TET2: variants seen among roughly 807,000 people sequenced by gnomAD.
TET2 encodes the protein methylcytosine dioxygenase TET2.
Under a neutral mutation model 142.9 loss-of-function variants are expected in TET2, and 299 were observed. That is an observed-to-expected ratio of 2.09 (90% confidence interval 1.90 to 2.30). The LOEUF is 2.30. Among genes scored for constraint, TET2 ranks in the 30% most tolerant of loss-of-function variants. The pLI, the probability that TET2 is intolerant of heterozygous loss-of-function variation, is 0.00. For missense variants in TET2, 2,418 were observed against 2,378.0 expected, an observed-to-expected ratio of 1.02 and a Z score of -0.35; for synonymous variants, 819 against 849.0, an observed-to-expected ratio of 0.96 and a Z score of 0.61.
chr4:105,163,774 C>A (rs1336690906), intron 1 of TET2, among the ~76,000 whole-genome samples: 1 of 146,938 alleles, frequency 6.8e-6, no homozygotes, highest in Non-Finnish European at 1.5e-5. Flanking sequence ...TGGATGCCAA[C>A]AAGCAGTCTG....
chr4:105,193,125 G>A (rs1256396208), intron 2 of TET2, among the ~76,000 whole-genome samples: 3 of 152,188 alleles, frequency 2.0e-5, no homozygotes, highest in African/African-American at 4.8e-5. Context: ...CTATAACAGA[G>A]GAGGCTTCAC....
intron 1 of TET2, among the ~76,000 whole-genome samples, chr4:105,151,796 C>T (rs1023769853): frequency 3.9e-5 from 6 of 152,290 alleles, no homozygotes; most frequent in East Asian, 1.9e-4. Context: ...GAGACGAGGC[C>T]GGTTGTGGTG....
At chr4:105,148,288 C>T (rs762385896) in intron 1 of TET2, among the ~76,000 whole-genome samples, 2 of 152,122 alleles carry the variant, frequency 1.3e-5, no homozygotes, top group Admixed American at 6.5e-5. Context: ...AGGGAGTTCT[C>T]CCTTCTTCAT....
chr4:105,182,365 A>C (rs1028741256), intron 1 of TET2, among the ~76,000 whole-genome samples: 4 of 152,208 alleles, frequency 2.6e-5, no homozygotes, highest in Non-Finnish European at 5.9e-5. Flanking sequence ...AATAAATGGC[A>C]TGTAGGTTCC....
intron 2 of TET2, among the ~76,000 whole-genome samples, chr4:105,216,061 A>G (rs1182888936): frequency 2.0e-5 from 3 of 152,278 alleles, no homozygotes; most frequent in Middle Eastern, 3.4e-3. Context: ...TCAGCTTCAA[A>G]ATATTTTATG....
Position 105,235,252 on chromosome 4 carries a change from AC to A in TET2, c.1314del (p.Asn439ThrfsTer8). The A allele has an allele frequency of 6.2e-7, 1 of 1,614,042 alleles. No homozygotes were observed. The highest frequency in any genetic ancestry group is 8.5e-7 in the Non-Finnish European group (1 of 1,179,978). ...GGAGTTTTAGAAGAACACCACCACT[AC>A]CCCAACCAAAGTAACACAACACTTT... ...NGGVLEEHHHYPNQSNTTLLR... is the reference protein window; with the variant it reads ...NGGVLEEHHHXPNQSNTTLLR... On this transcript the variant is annotated frameshift_variant, in exon 3 of 11. Transcript: ENST00000380013. LOFTEE classifies it high-confidence loss of function.
intron 6 of TET2, among the ~76,000 whole-genome samples, chr4:105,252,202 AC>A: frequency 6.6e-6 from 1 of 152,092 alleles, no homozygotes; most frequent in East Asian, 1.9e-4. Flanking sequence ...TACCCCACTA[AC>A]CCTTAGCAAC....
intron 1 of TET2, among the ~76,000 whole-genome samples, chr4:105,158,233 C>T (rs1415747771): frequency 6.6e-6 from 1 of 152,064 alleles, no homozygotes; most frequent in Non-Finnish European, 1.5e-5. Flanking sequence ...TAATTTACTA[C>T]TGACAGATTT....
chr4:105,189,139 T>G lies in TET2; in HGVS notation c.-192-1221T>G, dbSNP rs145922427. ...CTTACTATTTCTAGGCATGTGACTT[T>G]GAGAAAAAATTAAGAGACCTCCCTT... On this transcript the variant is annotated intron_variant, in intron 1 of 10. Transcript: ENST00000380013. Among the ~76,000 whole-genome samples the G allele has an allele frequency of 3.0e-3, 461 of 152,148 alleles. 5 individuals carry two copies. Among genetic ancestry groups the G allele is most frequent in the African/African-American group, 7.3e-3 (304 of 41,496 alleles).
intron 2 of TET2, among the ~76,000 whole-genome samples, chr4:105,204,018 T>C (rs754829003): frequency 1.3e-5 from 2 of 151,960 alleles, no homozygotes; most frequent in Non-Finnish European, 2.9e-5. Context: ...CTAGCCAATA[T>C]GGCGAAACCC....
chr4:105,229,531 G>T (rs186116565), intron 2 of TET2, among the ~76,000 whole-genome samples: 11 of 151,790 alleles, frequency 7.2e-5, no homozygotes, highest in African/African-American at 2.7e-4. Flanking sequence ...AGATGGTCTC[G>T]ATCTCTTGAC....
At chr4:105,166,464 A>G (rs1724154303) in intron 1 of TET2, among the ~76,000 whole-genome samples, 2 of 152,014 alleles carry the variant, frequency 1.3e-5, no homozygotes, top group Non-Finnish European at 2.9e-5. Flanking sequence ...GATGAATGAA[A>G]TACACTTTCT....
chr4:105,199,264 C>A (rs1393174339), intron 2 of TET2, among the ~76,000 whole-genome samples: 1 of 152,154 alleles, frequency 6.6e-6, no homozygotes. Flanking sequence ...GGATACTGCA[C>A]ATCTATTAAT....
At position 105,275,424 on chromosome 4, in the gene TET2, A is replaced by G. The variant is rs1475151748; in HGVS notation, c.4914A>G (p.Ser1638=). The change falls in exon 11 of 11, where the codon TCA becomes TCG. Residue 1638 remains serine, a synonymous_variant. Transcript: ENST00000380013. ...YPSYQCNGNL[S]VDNCSPYLGS... ...CATATCAATGCAATGGAAACCTATC[A>G]GTGGACAACTGCTCCCCATATCTGG... 1 of 1,551,538 alleles carries G rather than the reference A, an allele frequency of 6.4e-7. No homozygotes were observed. Among genetic ancestry groups the G allele is most frequent in the African/African-American group, 1.4e-5 (1 of 73,044 alleles).
At chr4:105,269,548 G>C (rs1259425416) in intron 8 of TET2, 62 bp from the exon 9 acceptor site, 1 of 1,516,016 alleles carries the variant, frequency 6.6e-7, no homozygotes, top group African/African-American at 1.4e-5. Flanking sequence ...AAATACTAGT[G>C]AGTTTTCGGT....
intron 8 of TET2, among the ~76,000 whole-genome samples, chr4:105,266,035 G>T (rs1167348791): frequency 6.6e-6 from 1 of 152,140 alleles, no homozygotes; most frequent in Non-Finnish European, 1.5e-5. Flanking sequence ...CCAGAGACCT[G>T]CAGAGGGTTC....
chr4:105,203,740 G>A (rs559953711), intron 2 of TET2, among the ~76,000 whole-genome samples: 8 of 152,134 alleles, frequency 5.3e-5, no homozygotes, highest in Non-Finnish European at 7.4e-5. Flanking sequence ...AATCAGGGCC[G>A]TTATTAACAA....
chr4:105,154,844 G>A lies in TET2; in HGVS notation c.-193+7865G>A, dbSNP rs143859510. On this transcript the variant is annotated intron_variant, in intron 1 of 10. Coordinates refer to ENST00000380013, the MANE Select transcript of TET2 (RefSeq NM_001127208.3). ...GTTGGAGACAAGCCTGGGCAACATG[G>A]CAAAACCCCATCCCTACAAAAAATG... 1.3e-3 allele frequency among the ~76,000 whole-genome samples: 197 copies of A among 152,152 alleles called. 1 individual carries two copies. The Middle Eastern group carries it at 0.014, about 11-fold the overall frequency.
At position 105,190,435 on chromosome 4, in the gene TET2, A is replaced by G; in HGVS notation, c.-117A>G. ...GCTCCTGTTGAGTTACAACGCTTGG[A>G]AGCAGGAGATGGGCTCAGCAGCAGC... is the stretch of plus-strand genomic sequence containing the variant. On this transcript the variant is annotated 5_prime_UTR_variant, in exon 2 of 11. Coordinates refer to ENST00000380013, the MANE Select transcript of TET2 (RefSeq NM_001127208.3). 2 of 701,474 alleles carry G rather than the reference A, an allele frequency of 2.9e-6. No individual in the cohort carries two copies. The highest frequency in any genetic ancestry group is 5.2e-6 in the Non-Finnish European group (2 of 384,558). 43.5% of individuals were successfully genotyped at this position (701,474 alleles called of 1,614,324 possible). A position where few individuals can be genotyped will look rare whatever the true frequency, so the allele number is the denominator to read the frequency against.
Sources: allele counts gnomAD v4.1 joint callset (sites outside exome capture counted in the v4.1 genomes callset), GRCh38; gene constraint gnomAD v4.1.1; transcripts MANE v1.5; gene names NCBI Gene and HGNC (gene_info 2026-07-23, HGNC 2026-07-21).